Variants in ADORA1 observed in about 807,000 individuals in gnomAD.
ADORA1 encodes the protein adenosine A1 receptor.
ADORA1 carries 6 observed loss-of-function variants against 19.9 expected under a neutral mutation model. The observed-to-expected ratio is 0.30, with a 90% confidence interval of 0.17 to 0.59. The LOEUF (loss-of-function observed/expected upper bound fraction) is 0.59. ADORA1 is among the 20% of genes least tolerant of loss of function. The pLI is 0.87. For missense variants in ADORA1, 302 were observed against 439.2 expected, an observed-to-expected ratio of 0.69 and a Z score of 2.79; for synonymous variants, 194 against 188.4, an observed-to-expected ratio of 1.03 and a Z score of -0.24.
intron 3 of ADORA1, chr1:203,150,820 C>G: frequency 7.8e-7 from 1 of 1,285,752 alleles, no homozygotes; most frequent in Non-Finnish European, 1.0e-6. Flanking sequence ...CCCCTATCTG[C>G]TGTCTGTTGA....
chr1:203,132,739 T>C (rs976814135), intron 3 of ADORA1, among the ~76,000 whole-genome samples: 10 of 152,094 alleles, frequency 6.6e-5, no homozygotes, highest in African/African-American at 2.4e-4. Context: ...CCCAGCTACT[T>C]GGGAGGCTGA....
chr1:203,153,509 C>T lies in ADORA1; in HGVS notation c.342-11752C>T, dbSNP rs555383230. 2.6e-5 allele frequency among the ~76,000 whole-genome samples: 4 copies of T among 152,260 alleles called. No individual in the cohort carries two copies. In the South Asian group the frequency reaches 8.3e-4, roughly 32 times the overall value. ...ACACTAATGACCTAATCAATTTATCCAGCTCTTTTCTTTCAAGACACAGAG... is the reference window on the plus strand; with the variant it reads ...ACACTAATGACCTAATCAATTTATCTAGCTCTTTTCTTTCAAGACACAGAG... On this transcript the variant is annotated intron_variant, in intron 3 of 3. Coordinates refer to ENST00000337894, the MANE Select transcript of ADORA1 (RefSeq NM_000674.3).
rs200961926 is a variant in ADORA1, at chr1:203,165,489, G to A, written c.570G>A (p.Leu190=). 14 of 1,613,210 alleles carry A rather than the reference G, an allele frequency of 8.7e-6. No homozygotes were observed. The African/African-American group carries it at 1.7e-4, about 20-fold the overall frequency. Reference sequence around the variant, plus strand: ...ACTTCAACTTCTTTGTGTGGGTGCTGCCCCCGCTTCTCCTCATGGTCCTCA... The same window carrying A: ...ACTTCAACTTCTTTGTGTGGGTGCTACCCCCGCTTCTCCTCATGGTCCTCA... The part of the protein sequence containing the change: ...MVYFNFFVWV[L]PPLLLMVLIY... Residue 190 remains leucine (L), a synonymous_variant, in exon 4 of 4, where the codon CTG becomes CTA. Coordinates refer to ENST00000337894, the MANE Select transcript of ADORA1 (RefSeq NM_000674.3). This position sits in a 1 kb window ranked among gnomAD's most constrained non-coding sequence, Gnocchi z 5.9.
intron 3 of ADORA1, among the ~76,000 whole-genome samples, chr1:203,139,254 G>A (rs1654604202): frequency 6.6e-6 from 1 of 152,242 alleles, no homozygotes; most frequent in Non-Finnish European, 1.5e-5. Context: ...AGGCTAGTGG[G>A]ACATACGTGG....
intron 3 of ADORA1, among the ~76,000 whole-genome samples, chr1:203,151,824 A>G (rs1227513093): frequency 1.1e-5 from 1 of 88,970 alleles, no homozygotes; most frequent in African/African-American, 2.9e-5. Context: ...ATTCATTCTT[A>G]TACTCAATAA....
chr1:203,165,409 G>A lies in ADORA1; in HGVS notation c.490G>A (p.Glu164Lys). 1 of 1,612,168 alleles carries A rather than the reference G, an allele frequency of 6.2e-7. No individual in the cohort carries two copies. The highest frequency in any genetic ancestry group is 8.5e-7 in the Non-Finnish European group (1 of 1,178,966). ...RAWAANGSMG[E>K]PVIKCEFEKV... is the part of the protein sequence containing the mutation. ...CTGGGCAGCCAACGGCAGCATGGGG[G>A]AGCCCGTGATCAAGTGCGAGTTCGA... is the stretch of plus-strand genomic sequence containing the variant. The change falls in exon 4 of 4, where the codon GAG (glutamate) becomes AAG (lysine). Residue 164 changes from glutamate (E) to lysine (K), a missense_variant. Glu to Lys is a moderately conservative substitution (Grantham distance 56, BLOSUM62 1). Transcript: ENST00000337894. This position sits in a 1 kb window ranked among gnomAD's most constrained non-coding sequence, Gnocchi z 5.9.
chr1:203,128,547 A>T lies in ADORA1; in HGVS notation c.-58+115A>T. The T allele has an allele frequency of 1.1e-6, 1 of 919,704 alleles. No homozygotes were observed. The allele number at this position is 919,704 out of a possible 1,614,324, so 57.0% of individuals were successfully genotyped here. A position where few individuals can be genotyped will look rare whatever the true frequency, so the allele number is the denominator to read the frequency against. ...CGCTGGGAGCTGCCTCACACCTGAT[A>T]AAAAAGCCAGTGGAGGAGTGAGCGC... On this transcript the variant is annotated intron_variant, in intron 2 of 3. Transcript: ENST00000337894. This position sits in a 1 kb window ranked among gnomAD's most constrained non-coding sequence, Gnocchi z 5.9.
At chr1:203,143,267 A>AG (rs1423650479) in intron 3 of ADORA1, among the ~76,000 whole-genome samples, 1 of 152,210 alleles carries the variant, frequency 6.6e-6, no homozygotes, top group Non-Finnish European at 1.5e-5. Context: ...GTGAGAGGGC[A>AG]AGAACATGCC....
chr1:203,142,241 T>G (rs1188798814), intron 3 of ADORA1, among the ~76,000 whole-genome samples: 1 of 152,250 alleles, frequency 6.6e-6, no homozygotes, highest in Non-Finnish European at 1.5e-5. Context: ...CTTGATGTTA[T>G]GTGACCACTG....
In ADORA1 at chr1:203,128,838, C is replaced by A; in HGVS notation, c.-4C>A. Reference sequence around the variant, plus strand: ...TCTGCTGATGTGCCCAGCCTGTGCCCGCCATGCCGCCCTCCATCTCAGCTT... The same window carrying A: ...TCTGCTGATGTGCCCAGCCTGTGCCAGCCATGCCGCCCTCCATCTCAGCTT... On this transcript the variant is annotated 5_prime_UTR_variant, in exon 3 of 4. Coordinates refer to ENST00000337894, the MANE Select transcript of ADORA1 (RefSeq NM_000674.3). This position sits in a 1 kb window ranked among gnomAD's most constrained non-coding sequence, Gnocchi z 5.9. 1 of 1,586,928 alleles carries A rather than the reference C, an allele frequency of 6.3e-7. No individual in the cohort carries two copies. Among genetic ancestry groups the A allele is most frequent in the South Asian group, 1.1e-5 (1 of 87,684 alleles).
rs202087935 is a variant in ADORA1 at position 203,127,741 on chromosome 1, C to G, written c.-400C>G. The G allele has an allele frequency of 6.6e-6, 1 of 152,260 alleles. No individual in the cohort carries two copies. The highest frequency in any genetic ancestry group is 2.4e-5 in the African/African-American group (1 of 41,446). 9.4% of individuals were successfully genotyped at this position (152,260 alleles called of 1,614,324 possible). ...CCCGATTGTCACTCAGCTCCTGCGC[C>G]GGGGGCGACAGAGCCGCAGGCGCCC... On this transcript the variant is annotated 5_prime_UTR_variant, in exon 1 of 4. Transcript: ENST00000337894.
chr1:203,150,236 G>T (rs1449637834), intron 3 of ADORA1, among the ~76,000 whole-genome samples: 1 of 152,244 alleles, frequency 6.6e-6, no homozygotes, highest in African/African-American at 2.4e-5. Context: ...ACCTCCCACT[G>T]CATCTGTATG....
At chr1:203,144,628 G>C (rs899626825) in intron 3 of ADORA1, 4 of 152,234 alleles carry the variant, frequency 2.6e-5, no homozygotes, top group Non-Finnish European at 4.4e-5. Context: ...TGAATGAAAA[G>C]ATCTGTACTT....
At chr1:203,141,572 AT>A (rs56188119) in intron 3 of ADORA1, among the ~76,000 whole-genome samples, 4,300 of 73,360 alleles carry the variant, frequency 0.059, 101 homozygotes, top group East Asian at 0.32. Flanking sequence ...TCTAACCTGG[AT>A]TTTTTTTTTT....
At chr1:203,152,092 G>T (rs1287867555) in intron 3 of ADORA1, among the ~76,000 whole-genome samples, 1 of 152,202 alleles carries the variant, frequency 6.6e-6, no homozygotes, top group Non-Finnish European at 1.5e-5. Flanking sequence ...ACCTGCTAGA[G>T]CCCAGAAAAG....
At chr1:203,134,300 G>A (rs4950921) in intron 3 of ADORA1, among the ~76,000 whole-genome samples, 147,538 of 152,316 alleles carry the variant, frequency 0.97, 71,587 homozygotes, top group Non-Finnish European at 0.99. Context: ...GAAAAGGAAA[G>A]TATGCAGCCT....
At chr1:203,162,086 T>C (rs1361589130) in intron 3 of ADORA1, among the ~76,000 whole-genome samples, 1 of 152,174 alleles carries the variant, frequency 6.6e-6, no homozygotes, top group Non-Finnish European at 1.5e-5. Flanking sequence ...AGAGGCACCT[T>C]CCACACACCC....
chr1:203,166,092 C>A lies in ADORA1; in HGVS notation c.*192C>A, dbSNP rs1405367972. ...AGTTAACTACCCTACACCTCTGGGCCCTGCAGGAGGCCTGGGAGGGCAAGG... is the reference window on the plus strand; with the variant it reads ...AGTTAACTACCCTACACCTCTGGGCACTGCAGGAGGCCTGGGAGGGCAAGG... On this transcript the variant is annotated 3_prime_UTR_variant, in exon 4 of 4. Coordinates refer to ENST00000337894, the MANE Select transcript of ADORA1 (RefSeq NM_000674.3). The A allele has an allele frequency of 8.7e-6, 6 of 691,422 alleles. No homozygotes were observed. The highest frequency in any genetic ancestry group is 1.3e-5 in the Non-Finnish European group (6 of 470,924). 42.8% of individuals were successfully genotyped at this position (691,422 alleles called of 1,614,324 possible).
intron 3 of ADORA1, among the ~76,000 whole-genome samples, chr1:203,158,881 A>T (rs1655275894): frequency 6.6e-6 from 1 of 152,152 alleles, no homozygotes; most frequent in South Asian, 2.1e-4. Context: ...AGGTGGCCAA[A>T]CTCATCTTTT....
Sources: allele counts gnomAD v4.1 joint callset (sites outside exome capture counted in the v4.1 genomes callset), GRCh38; gene constraint gnomAD v4.1.1; non-coding constraint Gnocchi (gnomAD v3.1); transcripts MANE v1.5; gene names NCBI Gene and HGNC (gene_info 2026-07-23, HGNC 2026-07-21).